ANKS1B: variants seen among roughly 807,000 people sequenced by gnomAD.
ANKS1B encodes ankyrin repeat and sterile alpha motif domain-containing protein 1B.
A neutral mutation model predicts 148.3 loss-of-function variants in ANKS1B; 36 were observed. The ratio of observed to expected loss-of-function variants is 0.24; its 90% CI spans 0.19 to 0.32. The LOEUF is 0.32. Among genes scored for constraint, ANKS1B ranks in the 10% least tolerant of loss-of-function variants. ANKS1B has a pLI of 1.00. For missense variants in ANKS1B, 1,157 were observed against 1,542.6 expected (o/e 0.75, Z 4.19); for synonymous variants, 542 against 560.8 (o/e 0.97, Z 0.47).
At position 99,809,031 on chromosome 12, in the gene ANKS1B, G is replaced by A. The variant is rs189631389; in HGVS notation, c.373-2331C>T. Among the ~76,000 whole-genome samples, 1,276 of 152,192 alleles carry A rather than the reference G, an allele frequency of 8.4e-3. 10 individuals carry two copies. Among genetic ancestry groups the A allele is most frequent in the Non-Finnish European group, 0.013 (867 of 67,962 alleles). ...GACGCCACAACGGTGGTACTTTTAC[G>A]AGAGCATGATTGTGTATTTGTGTAT... On this transcript the variant is annotated intron_variant, in intron 3 of 26. Coordinates refer to ENST00000683438, the MANE Select transcript of ANKS1B (RefSeq NM_001352186.2).
intron 22 of ANKS1B, among the ~76,000 whole-genome samples, chr12:98,783,586 G>A (rs2098758115): frequency 6.6e-6 from 1 of 152,142 alleles, no homozygotes. Context: ...GACAATGACG[G>A]CCTATTAGGG....
At chr12:99,584,042 T>G (rs2097597635) in intron 9 of ANKS1B, among the ~76,000 whole-genome samples, 1 of 152,188 alleles carries the variant, frequency 6.6e-6, no homozygotes, top group African/African-American at 2.4e-5. Flanking sequence ...TTTTTCCTTT[T>G]TCACAACAGG....
At chr12:99,309,650 A>C (rs1440154295) in intron 12 of ANKS1B, among the ~76,000 whole-genome samples, 2 of 152,122 alleles carry the variant, frequency 1.3e-5, no homozygotes, top group Admixed American at 6.6e-5. Flanking sequence ...TATAAAATAA[A>C]ATATAAATAA....
chr12:99,721,732 G>A (rs7137127), intron 8 of ANKS1B, among the ~76,000 whole-genome samples: 35,107 of 152,182 alleles, frequency 0.23, 4,651 homozygotes, highest in Non-Finnish European at 0.31. Flanking sequence ...ACACTGATGC[G>A]CATGAAACTT....
chr12:99,496,367 A>G (rs1370749365), intron 10 of ANKS1B, among the ~76,000 whole-genome samples: 1 of 152,226 alleles, frequency 6.6e-6, no homozygotes, highest in East Asian at 1.9e-4. Flanking sequence ...ATATCCATCC[A>G]TTCATTCGTT....
chr12:98,852,022 CAAAAAAAAAAAAAAA>C (rs35129903), intron 17 of ANKS1B, among the ~76,000 whole-genome samples: 1 of 61,092 alleles, frequency 1.6e-5, no homozygotes, highest in African/African-American at 7.1e-5. Flanking sequence ...GACTCCATCT[CAAAAAAAAAAAAAAA>C]AAAAAAAAAA....
At chr12:99,898,412 A>G (rs78295978) in intron 1 of ANKS1B, among the ~76,000 whole-genome samples, 7,297 of 152,220 alleles carry the variant, frequency 0.048, 557 homozygotes, top group African/African-American at 0.16. Flanking sequence ...CTGTCCTCCA[A>G]AAAGAAAAAA....
At chr12:99,277,256 G>A (rs777500151) in intron 12 of ANKS1B, among the ~76,000 whole-genome samples, 2 of 152,206 alleles carry the variant, frequency 1.3e-5, no homozygotes, top group Non-Finnish European at 2.9e-5. Flanking sequence ...AAATGTGACT[G>A]TGTTTATTTC....
At chr12:99,081,429 C>T (rs963971064) in intron 16 of ANKS1B, among the ~76,000 whole-genome samples, 2 of 152,062 alleles carry the variant, frequency 1.3e-5, no homozygotes, top group South Asian at 4.2e-4. Flanking sequence ...ACATTTTGTC[C>T]GTTTTCTGGC....
intron 10 of ANKS1B, among the ~76,000 whole-genome samples, chr12:99,485,932 T>C (rs1255424142): frequency 6.6e-6 from 1 of 152,190 alleles, no homozygotes; most frequent in Non-Finnish European, 1.5e-5. Context: ...AGTCATATCC[T>C]GAACTGCTTT....
chr12:99,082,543 G>T (rs1324418380), intron 16 of ANKS1B, among the ~76,000 whole-genome samples: 1 of 152,104 alleles, frequency 6.6e-6, no homozygotes, highest in African/African-American at 2.4e-5. Context: ...TCCAGATACT[G>T]TATAGAAATT....
intron 11 of ANKS1B, among the ~76,000 whole-genome samples, chr12:99,416,828 G>T (rs2152696612): frequency 6.6e-6 from 1 of 152,072 alleles, no homozygotes; most frequent in South Asian, 2.1e-4. Context: ...TTTTCACAGA[G>T]CAAAAGTTTT....
intron 17 of ANKS1B, among the ~76,000 whole-genome samples, chr12:98,976,040 T>C (rs1216167029): frequency 6.6e-6 from 1 of 152,182 alleles, no homozygotes; most frequent in Non-Finnish European, 1.5e-5. Flanking sequence ...AAAAAGCATA[T>C]AGATGAGCCA....
chr12:98,816,945 C>T (rs2153649163), intron 19 of ANKS1B, among the ~76,000 whole-genome samples: 1 of 151,838 alleles, frequency 6.6e-6, no homozygotes, highest in South Asian at 2.1e-4. Context: ...GAATAGAGCC[C>T]TCCAGTCAGA....
At chr12:99,659,701 A>T (rs900804086) in intron 8 of ANKS1B, among the ~76,000 whole-genome samples, 1 of 152,154 alleles carries the variant, frequency 6.6e-6, no homozygotes, top group African/African-American at 2.4e-5. Flanking sequence ...ACTATATATA[A>T]CGGTGCTTCA....
chr12:99,126,659 T>C (rs1212444972), intron 15 of ANKS1B, among the ~76,000 whole-genome samples: 1 of 152,200 alleles, frequency 6.6e-6, no homozygotes, highest in East Asian at 1.9e-4. Flanking sequence ...GCCTGGACTC[T>C]TCTACGCCAG....
At chr12:99,185,887 A>G (rs999620725) in intron 14 of ANKS1B, among the ~76,000 whole-genome samples, 1 of 152,142 alleles carries the variant, frequency 6.6e-6, no homozygotes, top group Non-Finnish European at 1.5e-5. Context: ...CACCAGCGAG[A>G]CAGAACTGTT....
At position 99,580,605 on chromosome 12, in the gene ANKS1B, G is replaced by A. The variant is rs116305812; in HGVS notation, c.1272+74462C>T. Among the ~76,000 whole-genome samples the A allele has an allele frequency of 2.4e-3, 359 of 152,234 alleles. 1 individual carries two copies. The highest frequency in any genetic ancestry group is 8.1e-3 in the African/African-American group (335 of 41,536). On this transcript the variant is annotated intron_variant, in intron 9 of 26. Transcript: ENST00000683438. ...CAGAGGTTGGGAAGGGTAGCGAAGC[G>A]GGGGATGGTGAAGAGAAATTGGTTA...
At chr12:98,795,015 T>C in intron 22 of ANKS1B, 1 of 815,916 alleles carries the variant, frequency 1.2e-6, no homozygotes, top group Non-Finnish European at 2.1e-6. Context: ...AAAATGCCCT[T>C]TGGAGACTTG....
Sources: gnomAD v4.1 joint callset for allele counts (sites outside exome capture counted in the v4.1 genomes callset) on GRCh38, gnomAD v4.1.1 for gene constraint, MANE v1.5 for transcripts, NCBI Gene and HGNC (gene_info 2026-07-23, HGNC 2026-07-21) for gene names.